FARS2: variants seen among roughly 807,000 people sequenced by gnomAD.
FARS2 encodes the protein phenylalanyl-tRNA synthetase 2, mitochondrial, also known as phenylalanine--tRNA ligase, mitochondrial.
A neutral mutation model predicts 46.4 loss-of-function variants in FARS2; 40 were observed. The observed-to-expected ratio is 0.86, with a 90% CI of 0.67 to 1.12. The LOEUF (loss-of-function observed/expected upper bound fraction) is 1.12, where lower values mean the gene tolerates loss of function less well. Among genes scored for constraint, FARS2 ranks in the 50% most tolerant of loss-of-function variants. The pLI is 0.00. For missense variants in FARS2, 513 were observed against 567.9 expected, an observed-to-expected ratio of 0.90 and a Z score of 0.98; for synonymous variants, 234 against 214.9, an observed-to-expected ratio of 1.09 and a Z score of -0.78.
At chr6:5,769,056 C>T (rs902779663) in intron 6 of FARS2, among the ~76,000 whole-genome samples, 7 of 151,850 alleles carry the variant, frequency 4.6e-5, no homozygotes, top group East Asian at 1.9e-4. Context: ...TTTGCCTATG[C>T]GGTCATGAAT....
At chr6:5,706,726 A>G (rs1023651072) in intron 6 of FARS2, among the ~76,000 whole-genome samples, 3 of 152,208 alleles carry the variant, frequency 2.0e-5, no homozygotes, top group African/African-American at 7.2e-5. Flanking sequence ...CTCCTTGTGT[A>G]TGGACTGAGA....
intron 6 of FARS2, among the ~76,000 whole-genome samples, chr6:5,671,554 G>A (rs184455504): frequency 3.4e-4 from 52 of 152,204 alleles, no homozygotes; most frequent in African/African-American, 9.9e-4. Flanking sequence ...CCCCCTTCTC[G>A]TGCCCCATTT....
chr6:5,598,191 A>T (rs1023326272), intron 5 of FARS2, among the ~76,000 whole-genome samples: 2 of 152,076 alleles, frequency 1.3e-5, no homozygotes, highest in African/African-American at 2.4e-5. Flanking sequence ...GTTCAAGATG[A>T]GGCTAGACAG....
rs572731462 is a variant in FARS2 at position 5,650,439 on chromosome 6, C to A, written c.1217+37119C>A. On this transcript the variant is annotated intron_variant, in intron 6 of 6. Coordinates refer to ENST00000274680, the MANE Select transcript of FARS2 (RefSeq NM_006567.5). ...TTAATTCAAGGAGATTTACCAAGCA[C>A]CATTATAATTTAAAAAATTAACCCT... 4.7e-4 allele frequency among the ~76,000 whole-genome samples: 71 copies of A among 152,144 alleles called. 2 individuals carry two copies. In the South Asian group the frequency reaches 0.014, roughly 31 times the overall value.
intron 4 of FARS2, among the ~76,000 whole-genome samples, chr6:5,465,945 T>C (rs2150310575): frequency 6.6e-6 from 1 of 152,316 alleles, no homozygotes; most frequent in Admixed American, 6.5e-5. Flanking sequence ...GCTTCCACTG[T>C]AGGAGAATCA....
chr6:5,760,851 T>G (rs1762442911), intron 6 of FARS2, among the ~76,000 whole-genome samples: 1 of 152,186 alleles, frequency 6.6e-6, no homozygotes, highest in Non-Finnish European at 1.5e-5. Flanking sequence ...GTGAAACTGC[T>G]CTGATCGCTC....
intron 1 of FARS2, among the ~76,000 whole-genome samples, chr6:5,339,891 G>A (rs1302434359): frequency 6.6e-6 from 1 of 152,212 alleles, no homozygotes; most frequent in African/African-American, 2.4e-5. Flanking sequence ...GCTTGTAGAT[G>A]GTTGGTTCAC....
At chr6:5,469,176 A>G (rs1320230303) in intron 4 of FARS2, among the ~76,000 whole-genome samples, 1 of 152,188 alleles carries the variant, frequency 6.6e-6, no homozygotes, top group East Asian at 1.9e-4. Context: ...ACTTGGTGGC[A>G]GGCCCACAGT....
At chr6:5,510,201 T>A (rs1768354077) in intron 4 of FARS2, among the ~76,000 whole-genome samples, 2 of 152,328 alleles carry the variant, frequency 1.3e-5, no homozygotes, top group East Asian at 3.9e-4. Context: ...AATTTTTTTT[T>A]AGTTCAGTGA....
At chr6:5,389,030 C>T (rs1177844578) in intron 2 of FARS2, among the ~76,000 whole-genome samples, 1 of 152,144 alleles carries the variant, frequency 6.6e-6, no homozygotes, top group African/African-American at 2.4e-5. Context: ...CCCCTCACAT[C>T]CACAGATGTC....
At chr6:5,581,245 A>G (rs1359378687) in intron 5 of FARS2, among the ~76,000 whole-genome samples, 2 of 152,270 alleles carry the variant, frequency 1.3e-5, no homozygotes, top group Non-Finnish European at 2.9e-5. Context: ...AACAACACCC[A>G]AGAAACAGTT....
At chr6:5,665,014 G>C (rs983923963) in intron 6 of FARS2, 1 of 152,152 alleles carries the variant, frequency 6.6e-6, no homozygotes, top group African/African-American at 2.4e-5. Flanking sequence ...TATACTTGTT[G>C]CTTCAGGGCA....
At chr6:5,274,103 C>G (rs1199900731) in intron 1 of FARS2, among the ~76,000 whole-genome samples, 2 of 152,186 alleles carry the variant, frequency 1.3e-5, no homozygotes, top group East Asian at 3.9e-4. Context: ...TCCACAGTTT[C>G]AGGCATCAAC....
At chr6:5,715,084 C>T (rs1759414260) in intron 6 of FARS2, among the ~76,000 whole-genome samples, 1 of 144,512 alleles carries the variant, frequency 6.9e-6, no homozygotes, top group South Asian at 2.1e-4. Flanking sequence ...GCAGGACACT[C>T]TTCTGTGTGC....
chr6:5,298,374 G>A (rs9504376), intron 1 of FARS2, among the ~76,000 whole-genome samples: 26,151 of 152,114 alleles, frequency 0.17, 5,465 homozygotes, highest in African/African-American at 0.5. Flanking sequence ...CCCACTCCTG[G>A]GGTTGGGGGT....
rs1186170122 is a variant in FARS2 at position 5,403,116 on chromosome 6, G to A, written c.613-1426G>A. 9.2e-5 allele frequency among the ~76,000 whole-genome samples: 14 copies of A among 152,164 alleles called. No homozygotes were observed. The East Asian group carries it at 1.7e-3, about 19-fold the overall frequency. ...ATTTTTAGAGGAAGCATTGACAGCC[G>A]TCATTGTCTTTAGTCCTCATAAGAA... On this transcript the variant is annotated intron_variant, in intron 2 of 6. Coordinates refer to ENST00000274680, the MANE Select transcript of FARS2 (RefSeq NM_006567.5).
At chr6:5,590,211 A>G (rs563355982) in intron 5 of FARS2, among the ~76,000 whole-genome samples, 1 of 152,348 alleles carries the variant, frequency 6.6e-6, no homozygotes, top group African/African-American at 2.4e-5. Context: ...AGAATGATGC[A>G]TAGATGACCA....
chr6:5,388,996 G>A (rs570002871), intron 2 of FARS2, among the ~76,000 whole-genome samples: 4 of 152,032 alleles, frequency 2.6e-5, no homozygotes, highest in African/African-American at 7.2e-5. Flanking sequence ...TCAGTTCTCC[G>A]TCATATCTGT....
chr6:5,392,780 A>G (rs1252501671), intron 2 of FARS2, among the ~76,000 whole-genome samples: 2 of 147,888 alleles, frequency 1.4e-5, no homozygotes, highest in East Asian at 2.0e-4. Flanking sequence ...ATGTATATAT[A>G]TGTGTGTATA....
Sources: allele counts gnomAD v4.1 joint callset (sites outside exome capture counted in the v4.1 genomes callset), GRCh38; gene constraint gnomAD v4.1.1; transcripts MANE v1.5; gene names NCBI Gene and HGNC (gene_info 2026-07-23, HGNC 2026-07-21).